MTMR4: variants seen among roughly 807,000 people sequenced by gnomAD.
The protein encoded by MTMR4 is myotubularin related protein 4, also known as phosphatidylinositol-3,5-bisphosphate 3-phosphatase MTMR4.
A neutral mutation model predicts 125.5 loss-of-function variants in MTMR4; 30 were observed. That is an observed-to-expected ratio of 0.24 (90% CI 0.18 to 0.32). The LOEUF (loss-of-function observed/expected upper bound fraction) is 0.32, where lower values mean the gene tolerates loss of function less well. MTMR4 is among the 10% of genes least tolerant of loss of function. MTMR4 has a pLI of 1.00. For synonymous variants in MTMR4, 498 were observed against 564.5 expected, an observed-to-expected ratio of 0.88 and a Z score of 1.67; for missense variants, 1,039 against 1,511.5, an observed-to-expected ratio of 0.69 and a Z score of 5.18.
chr17:58,500,080 C>G (rs1290213095), intron 14 of MTMR4, among the ~76,000 whole-genome samples: 1 of 152,150 alleles, frequency 6.6e-6, no homozygotes, highest in African/African-American at 2.4e-5. Flanking sequence ...AAACAGCCAC[C>G]AAGTGACCCT....
chr17:58,503,541 C>T (rs527847542), intron 14 of MTMR4, among the ~76,000 whole-genome samples: 2 of 152,040 alleles, frequency 1.3e-5, no homozygotes, highest in Non-Finnish European at 2.9e-5. Flanking sequence ...CCAAGCTACT[C>T]GGGAGGCTGG....
At chr17:58,516,653 C>T (rs893652208), upstream of MTMR4, 4 of 1,581,254 alleles carry the variant, frequency 2.5e-6, no homozygotes, top group African/African-American at 5.4e-5. Context: ...AAGTAAAGGA[C>T]CCCATTAACA....
chr17:58,511,530 C>A lies in MTMR4; in HGVS notation c.253-19G>T. 1 of 1,607,938 alleles carries A rather than the reference C, an allele frequency of 6.2e-7. No homozygotes were observed. The highest frequency in any genetic ancestry group is 1.3e-5 in the African/African-American group (1 of 74,942). On this transcript the variant is annotated intron_variant, in intron 3 of 17. Transcript: ENST00000682306. ...GGGGGACCTGTAGAGGAAGGGCAAA[C>A]TGAAGCTCAGACTCCCCACTGGGTA...
At chr17:58,518,341 C>T (rs892576391), upstream of MTMR4, among the ~76,000 whole-genome samples, 1 of 152,170 alleles carries the variant, frequency 6.6e-6, no homozygotes, top group East Asian at 1.9e-4. Flanking sequence ...CCCAGTGGCA[C>T]CTCAGTTTAT....
chr17:58,514,607 C>T lies in MTMR4; in HGVS notation c.-200G>A, dbSNP rs1976034516. On this transcript the variant is annotated 5_prime_UTR_variant, in exon 1 of 18. Coordinates refer to ENST00000682306, the MANE Select transcript of MTMR4 (RefSeq NM_001378067.1). ...TCTCCACAATGGAGCGGGCCCAGCT[C>T]CGCCCTCCCGCACGAGTGCAGAAGG... 1.0e-6 allele frequency: 1 copy of T among 985,130 alleles called. No homozygotes were observed. Among genetic ancestry groups the T allele is most frequent in the Admixed American group, 6.2e-5 (1 of 16,256 alleles). 61.0% of individuals were successfully genotyped at this position (985,130 alleles called of 1,614,324 possible).
Position 58,512,970 on chromosome 17 carries a change from C to T in MTMR4, c.46-29G>A, listed in dbSNP as rs1598228535. The T allele has an allele frequency of 6.5e-7, 1 of 1,548,014 alleles. No individual in the cohort carries two copies. The highest frequency in any genetic ancestry group is 8.9e-7 in the Non-Finnish European group (1 of 1,122,540). On this transcript the variant is annotated intron_variant, in intron 1 of 17. Transcript: ENST00000682306. This position sits in a 1 kb window ranked among gnomAD's most constrained non-coding sequence, Gnocchi z 4.1. ...TAGGAAGGCCACAGTCCTAAGTCAC[C>T]AAGCTCCACTTAGCCCATCAGGCTC...
In MTMR4 at chr17:58,508,190, G is replaced by C. The variant is rs1196870239; in HGVS notation, c.678C>G (p.Ser226=). Residue 226 remains serine, a synonymous_variant, in exon 7 of 18, where the codon TCC becomes TCG. Coordinates refer to ENST00000682306, the MANE Select transcript of MTMR4 (RefSeq NM_001378067.1). This position sits in a 1 kb window ranked among gnomAD's most constrained non-coding sequence, Gnocchi z 4.8. The part of the protein sequence containing the change: ...KELENVASFR[S]WKRIPVVVYR... ...ACACAACCACGGGAATCCGCTTCCA[G>C]GAGCGGAAGGAAGCCACGTTCTCCA... 2 of 1,613,808 alleles carry C rather than the reference G, an allele frequency of 1.2e-6. No homozygotes were observed. Among genetic ancestry groups the C allele is most frequent in the Non-Finnish European group, 1.7e-6 (2 of 1,179,968 alleles).
At chr17:58,516,085 T>C (rs1179114012), upstream of MTMR4, among the ~76,000 whole-genome samples, 5 of 152,238 alleles carry the variant, frequency 3.3e-5, no homozygotes, top group African/African-American at 1.2e-4. Flanking sequence ...TGATAGATAT[T>C]CAATCAGCTG....
chr17:58,500,233 C>A (rs1975584574), intron 14 of MTMR4, among the ~76,000 whole-genome samples: 1 of 152,046 alleles, frequency 6.6e-6, no homozygotes, highest in Non-Finnish European at 1.5e-5. Flanking sequence ...AGCAAACAAT[C>A]CTCCTACGTC....
upstream of MTMR4, chr17:58,515,075 T>C: frequency 1.0e-6 from 1 of 985,262 alleles, no homozygotes; most frequent in Non-Finnish European, 1.2e-6. Flanking sequence ...GGTTAGTCAT[T>C]CCACGCTCCT....
At chr17:58,494,843 A>C in intron 15 of MTMR4, 89 bp downstream of exon 15, 1 of 1,260,736 alleles carries the variant, frequency 7.9e-7, no homozygotes, top group Non-Finnish European at 1.1e-6. Flanking sequence ...AGTGGCACAC[A>C]GCAAGTACCC....
At chr17:58,514,833 T>A (rs1309091072), upstream of MTMR4, among the ~76,000 whole-genome samples, 1 of 152,028 alleles carries the variant, frequency 6.6e-6, no homozygotes, top group Non-Finnish European at 1.5e-5. Context: ...CATCTTCTCA[T>A]TTCCCTTCTT....
intron 3 of MTMR4, 38 bp from the exon 4 acceptor site, chr17:58,511,549 C>T (rs766132347): frequency 6.4e-7 from 1 of 1,550,830 alleles, no homozygotes; most frequent in Non-Finnish European, 8.9e-7. Flanking sequence ...AGACTCCCCA[C>T]TGGGTACCAC....
At chr17:58,505,737 A>AG (rs1975763951) in intron 9 of MTMR4, among the ~76,000 whole-genome samples, 154 bp from the exon 10 acceptor site, 43 of 152,034 alleles carry the variant, frequency 2.8e-4, no homozygotes, top group Admixed American at 2.0e-3. Flanking sequence ...GTGAAACCCC[A>AG]TCTCTACTAA....
At position 58,514,434 on chromosome 17, in the gene MTMR4, C is replaced by T; in HGVS notation, c.-27G>A. On this transcript the variant is annotated 5_prime_UTR_variant, in exon 1 of 18. The change creates a new upstream start codon in the 5' untranslated region. Coordinates refer to ENST00000682306, the MANE Select transcript of MTMR4 (RefSeq NM_001378067.1). ...GTCGCGGGCGGTCTGGGCCAGCGCA[C>T]ATGTCCCCGGAGCCGCTGCGCTGCC... The T allele has an allele frequency of 1.0e-6, 1 of 985,676 alleles. No individual in the cohort carries two copies. The allele number at this position is 985,676 out of a possible 1,614,324, so 61.1% of individuals were successfully genotyped here.
At position 58,507,104 on chromosome 17, in the gene MTMR4, A is replaced by G. The variant is rs764091135; in HGVS notation, c.904+19T>C. 6 of 1,613,752 alleles carry G rather than the reference A, an allele frequency of 3.7e-6. No individual in the cohort carries two copies. In the Admixed American group the frequency reaches 1.0e-4, roughly 27 times the overall value. On this transcript the variant is annotated intron_variant, in intron 8 of 17. Transcript: ENST00000682306. The stretch of plus-strand genomic sequence containing the variant: ...GAGGGGGCCTGCTCCCTGGGGGGTT[A>G]GCATCATCCACACCTTACCAAAGTC...
upstream of MTMR4, among the ~76,000 whole-genome samples, chr17:58,515,466 C>T (rs965350436): frequency 6.6e-6 from 1 of 152,116 alleles, no homozygotes; most frequent in African/African-American, 2.4e-5. Flanking sequence ...TAAAAGAAAA[C>T]CTGACATTTT....
At chr17:58,513,744 G>C (rs995157376) in intron 1 of MTMR4, among the ~76,000 whole-genome samples, 1 of 152,068 alleles carries the variant, frequency 6.6e-6, no homozygotes, top group South Asian at 2.1e-4. Flanking sequence ...AAGGTGGGGG[G>C]ACAGCTGAGA....
chr17:58,513,065 C>T, intron 1 of MTMR4, 124 bp from the exon 2 acceptor site: 1 of 727,610 alleles, frequency 1.4e-6, no homozygotes, highest in South Asian at 1.6e-5. Context: ...GTTCTGGTCA[C>T]CAGAGAAGGG....
Sources: allele counts gnomAD v4.1 joint callset (sites outside exome capture counted in the v4.1 genomes callset), GRCh38; gene constraint gnomAD v4.1.1; non-coding constraint Gnocchi (gnomAD v3.1); transcripts MANE v1.5; gene names NCBI Gene and HGNC (gene_info 2026-07-23, HGNC 2026-07-21).